Variants in ZFYVE9 observed in about 807,000 individuals in gnomAD.
ZFYVE9 encodes the protein zinc finger FYVE domain-containing protein 9.
In ZFYVE9, 43 loss-of-function variants were observed where a neutral mutation model predicts 126.7. That is an observed-to-expected ratio of 0.34 (90% CI 0.27 to 0.44). The LOEUF is 0.44. Ranked by LOEUF, ZFYVE9 falls within the 20% of genes least tolerant of loss-of-function variation. The pLI, the probability that ZFYVE9 is intolerant of heterozygous loss-of-function variation, is 1.00. For missense variants in ZFYVE9, 1,476 were observed against 1,697.0 expected (o/e 0.87, Z 2.29); for synonymous variants, 521 against 597.4 (o/e 0.87, Z 1.87).
At chr1:52,261,091 C>T (rs1374234907) in intron 4 of ZFYVE9, among the ~76,000 whole-genome samples, 10 of 152,072 alleles carry the variant, frequency 6.6e-5, no homozygotes, top group Admixed American at 5.2e-4. Context: ...GATTTGATGT[C>T]TTGTCATTTC....
intron 1 of ZFYVE9, among the ~76,000 whole-genome samples, chr1:52,180,844 G>T (rs961686267): frequency 6.6e-6 from 1 of 151,534 alleles, no homozygotes; most frequent in South Asian, 2.1e-4. Context: ...GCGTGGTGGC[G>T]CATGCCTGTA....
intron 10 of ZFYVE9, among the ~76,000 whole-genome samples, chr1:52,287,129 G>A (rs898863445): frequency 6.6e-6 from 1 of 151,638 alleles, no homozygotes. Flanking sequence ...TCGCTGTGTC[G>A]CCCGGGCCGG....
intron 4 of ZFYVE9, chr1:52,253,951 C>A: frequency 1.1e-6 from 1 of 884,232 alleles, no homozygotes; most frequent in Non-Finnish European, 1.9e-6. Flanking sequence ...AATTCGGCAA[C>A]TTGAATTGGT....
intron 15 of ZFYVE9, among the ~76,000 whole-genome samples, chr1:52,336,230 CTTCT>C (rs1378458136): frequency 6.6e-6 from 1 of 151,650 alleles, no homozygotes; most frequent in African/African-American, 2.4e-5. Context: ...TAGCTTTGGT[CTTCT>C]TTTGGTAAAT....
chr1:52,158,283 G>C (rs1644421577), intron 1 of ZFYVE9, among the ~76,000 whole-genome samples: 1 of 152,122 alleles, frequency 6.6e-6, no homozygotes, highest in East Asian at 1.9e-4. Flanking sequence ...CATTCTTTTG[G>C]GGATTATAGT....
chr1:52,213,047 AATG>A (rs1411675317), intron 1 of ZFYVE9, among the ~76,000 whole-genome samples: 1 of 152,184 alleles, frequency 6.6e-6, no homozygotes, highest in Non-Finnish European at 1.5e-5. Context: ...CCTTCCAAAA[AATG>A]ATTCTGTAAT....
chr1:52,288,365 G>T (rs1170673946), intron 10 of ZFYVE9, among the ~76,000 whole-genome samples: 1 of 152,180 alleles, frequency 6.6e-6, no homozygotes, highest in African/African-American at 2.4e-5. Flanking sequence ...TGCCATCATA[G>T]CACACTCACT....
At chr1:52,224,280 G>A (rs1645150092) in intron 2 of ZFYVE9, among the ~76,000 whole-genome samples, 1 of 152,132 alleles carries the variant, frequency 6.6e-6, no homozygotes, top group South Asian at 2.1e-4. Context: ...GGTTATATGG[G>A]AGAGGAACTG....
chr1:52,183,509 A>G (rs1420066467), intron 1 of ZFYVE9, among the ~76,000 whole-genome samples: 1 of 152,060 alleles, frequency 6.6e-6, no homozygotes. Flanking sequence ...TTATGTATTT[A>G]TTTGTTTGTT....
rs545640060 is a variant in ZFYVE9 at position 52,340,501 on chromosome 1, T to G, written c.3939+270T>G. Among the ~76,000 whole-genome samples the G allele has an allele frequency of 1.3e-3, 205 of 152,076 alleles. 1 individual carries two copies. Among genetic ancestry groups the G allele is most frequent in the Non-Finnish European group, 1.9e-3 (129 of 67,960 alleles). ...TCCAGAAGAGTAGATCTCTGAGTGGTACATTCCATCTTTGCTGTATTCTTC... is the reference window on the plus strand; with the variant it reads ...TCCAGAAGAGTAGATCTCTGAGTGGGACATTCCATCTTTGCTGTATTCTTC... On this transcript the variant is annotated intron_variant, in intron 17 of 18. Coordinates refer to ENST00000287727, the MANE Select transcript of ZFYVE9 (RefSeq NM_004799.4).
chr1:52,180,050 A>C, intron 1 of ZFYVE9: 1 of 838,176 alleles, frequency 1.2e-6, no homozygotes, highest in Non-Finnish European at 2.1e-6. Flanking sequence ...GTGCTATTGA[A>C]ATGTACAGAC....
chr1:52,206,396 T>C (rs980103972), intron 1 of ZFYVE9, among the ~76,000 whole-genome samples: 3 of 152,234 alleles, frequency 2.0e-5, no homozygotes, highest in Non-Finnish European at 4.4e-5. Context: ...AAGAGATGTC[T>C]AACATCTCAA....
intron 1 of ZFYVE9, among the ~76,000 whole-genome samples, chr1:52,215,135 T>C (rs904066092): frequency 6.6e-6 from 1 of 152,168 alleles, no homozygotes; most frequent in Admixed American, 6.5e-5. Flanking sequence ...ATCTATAGAG[T>C]TAATTTTGTT....
intron 1 of ZFYVE9, among the ~76,000 whole-genome samples, chr1:52,206,428 C>T (rs938713607): frequency 6.6e-6 from 1 of 152,106 alleles, no homozygotes; most frequent in African/African-American, 2.4e-5. Context: ...CAGACTTTGG[C>T]TAATATGGTA....
chr1:52,176,540 T>G (rs1405966285), intron 1 of ZFYVE9, among the ~76,000 whole-genome samples: 2 of 152,216 alleles, frequency 1.3e-5, no homozygotes, highest in Non-Finnish European at 2.9e-5. Context: ...CAGGGACATT[T>G]AAGTCTGCAG....
intron 9 of ZFYVE9, among the ~76,000 whole-genome samples, chr1:52,279,641 A>AT (rs1207809143): frequency 4.6e-5 from 7 of 151,710 alleles, no homozygotes; most frequent in African/African-American, 7.3e-5. Context: ...TTTTTTTTGT[A>AT]TTTTTTTGTA....
At position 52,293,460 on chromosome 1, in the gene ZFYVE9, G is replaced by A. The variant is rs750266972; in HGVS notation, c.3033G>A (p.Val1011=). The part of the protein sequence containing the change: ...QLYRDALAGN[V]VSNLGHSFFS... ...AAACTTTTTTGTTTTTAGGGAATGTGGTGAGCAACTTGGGACATTCCTTCT... is the reference window on the plus strand; with the variant it reads ...AAACTTTTTTGTTTTTAGGGAATGTAGTGAGCAACTTGGGACATTCCTTCT... Residue 1011 remains valine (V), a synonymous_variant, in exon 11 of 19, where the codon GTG becomes GTA. Transcript: ENST00000287727. The A allele has an allele frequency of 1.9e-5, 31 of 1,611,822 alleles. No individual in the cohort carries two copies. The highest frequency in any genetic ancestry group is 1.6e-4 in the Middle Eastern group (1 of 6,078).
intron 1 of ZFYVE9, among the ~76,000 whole-genome samples, chr1:52,199,436 G>A (rs977436707): frequency 6.6e-6 from 1 of 152,150 alleles, no homozygotes; most frequent in Admixed American, 6.5e-5. Context: ...CATACAGTAC[G>A]TAGCCTTTTG....
chr1:52,161,543 A>G (rs1315611), intron 1 of ZFYVE9, among the ~76,000 whole-genome samples: 262 of 152,130 alleles, frequency 1.7e-3, no homozygotes, highest in Non-Finnish European at 2.3e-3. Flanking sequence ...CGCCTGCCTC[A>G]GCCTCCCAAA....
Sources: allele counts gnomAD v4.1 joint callset (sites outside exome capture counted in the v4.1 genomes callset), GRCh38; gene constraint gnomAD v4.1.1; transcripts MANE v1.5; gene names NCBI Gene and HGNC (gene_info 2026-07-23, HGNC 2026-07-21).